STRBP: variants seen among roughly 807,000 people sequenced by gnomAD.
STRBP encodes spermatid perinuclear RNA-binding protein.
STRBP carries 13 observed loss-of-function variants against 80.1 expected under a neutral mutation model. The observed-to-expected ratio is 0.16, with a 90% CI of 0.11 to 0.26. The LOEUF is 0.26. Among genes scored for constraint, STRBP ranks in the 10% least tolerant of loss-of-function variants. The probability of loss-of-function intolerance (pLI) is 1.00; values close to 1 mark genes in which losing one functional copy is unlikely to be tolerated. For missense variants in STRBP, 485 were observed against 815.2 expected (o/e 0.59, Z 4.93); for synonymous variants, 284 against 291.2 (o/e 0.98, Z 0.25).
At chr9:123,129,122 T>G (rs2036022416) in intron 17 of STRBP, among the ~76,000 whole-genome samples, 1 of 152,138 alleles carries the variant, frequency 6.6e-6, no homozygotes, top group Non-Finnish European at 1.5e-5. Context: ...TTTTGGAGGC[T>G]GTGGCAGGAG....
Position 123,179,171 on chromosome 9 carries a change from T to G in STRBP, c.60A>C (p.Thr20=), listed in dbSNP as rs1181529261. ...CAAGTTCCTCCGGAGATGGATAGATTGTTGAATGTTTCACCATAACATGGC... is the reference window on the plus strand; with the variant it reads ...CAAGTTCCTCCGGAGATGGATAGATGGTTGAATGTTTCACCATAACATGGC... ...DDRHVMVKHS[T]IYPSPEELEA... is the part of the protein sequence containing the mutation. Residue 20 remains threonine (T), a synonymous_variant, in exon 4 of 19, where the codon ACA becomes ACC. Transcript: ENST00000348403. 2.5e-6 allele frequency: 4 copies of G among 1,612,886 alleles called. No homozygotes were observed. Among genetic ancestry groups the G allele is most frequent in the Non-Finnish European group, 3.4e-6 (4 of 1,178,892 alleles).
chr9:123,233,131 T>C (rs988879586), intron 2 of STRBP, among the ~76,000 whole-genome samples: 1 of 152,222 alleles, frequency 6.6e-6, no homozygotes, highest in Non-Finnish European at 1.5e-5. Context: ...GGGAGTGCAG[T>C]GGCGTGAACA....
At chr9:123,191,416 G>C (rs1465467470) in intron 2 of STRBP, among the ~76,000 whole-genome samples, 1 of 151,956 alleles carries the variant, frequency 6.6e-6, no homozygotes, top group Admixed American at 6.6e-5. Context: ...AGAGAGGAGG[G>C]CCGAGAGGAC....
chr9:123,200,643 C>T (rs1315149901), intron 2 of STRBP, among the ~76,000 whole-genome samples: 2 of 149,648 alleles, frequency 1.3e-5, no homozygotes, highest in Non-Finnish European at 3.0e-5. Context: ...ACTCGGCTCA[C>T]TGCAAGCTCC....
chr9:123,238,100 G>T (rs1588144838), intron 1 of STRBP, among the ~76,000 whole-genome samples: 1 of 152,208 alleles, frequency 6.6e-6, no homozygotes, highest in Admixed American at 6.5e-5. Context: ...ACAGTTTAAA[G>T]CTGCTTAGCA....
At chr9:123,137,072 G>A (rs962300599) in intron 14 of STRBP, among the ~76,000 whole-genome samples, 11 of 152,174 alleles carry the variant, frequency 7.2e-5, no homozygotes, top group Non-Finnish European at 1.5e-4. Context: ...TGCCCTCAAG[G>A]AGCTAGAGTG....
intron 2 of STRBP, among the ~76,000 whole-genome samples, chr9:123,224,807 G>A (rs1166644221): frequency 6.6e-6 from 1 of 152,132 alleles, no homozygotes; most frequent in Non-Finnish European, 1.5e-5. Flanking sequence ...CTTTTCAGCA[G>A]ACTCTCCTAA....
In STRBP at chr9:123,132,840, T is replaced by C. The variant is rs763911551; in HGVS notation, c.1897+5A>G. 2.3e-5 allele frequency: 37 copies of C among 1,613,854 alleles called. No homozygotes were observed. The highest frequency in any genetic ancestry group is 3.1e-5 in the Non-Finnish European group (37 of 1,179,870). On this transcript the variant is annotated splice_donor_5th_base_variant and intron_variant, in intron 17 of 18. Coordinates refer to ENST00000348403, the MANE Select transcript of STRBP (RefSeq NM_018387.5). ...GGGGCCAATCTCTTGCAGTTTGTAC[T>C]ATACCTGGAGCTATGTAGCCAGGAG...
At chr9:123,190,018 A>T (rs1209519599) in intron 2 of STRBP, among the ~76,000 whole-genome samples, 1 of 152,128 alleles carries the variant, frequency 6.6e-6, no homozygotes, top group African/African-American at 2.4e-5. Flanking sequence ...GGTGGCTCAC[A>T]CCTGTAATCC....
intron 11 of STRBP, among the ~76,000 whole-genome samples, chr9:123,154,271 A>G (rs532094195): frequency 3.3e-5 from 5 of 152,342 alleles, no homozygotes; most frequent in Non-Finnish European, 7.4e-5. Flanking sequence ...AAAATGAACT[A>G]TATCTATGTG....
intron 2 of STRBP, among the ~76,000 whole-genome samples, chr9:123,195,012 G>C (rs1202884883): frequency 1.3e-5 from 2 of 151,998 alleles, no homozygotes; most frequent in African/African-American, 2.4e-5. Flanking sequence ...TATATACTGA[G>C]GATCTCCCAA....
intron 11 of STRBP, among the ~76,000 whole-genome samples, chr9:123,157,043 G>A (rs956099818): frequency 2.6e-5 from 4 of 152,148 alleles, no homozygotes; most frequent in Non-Finnish European, 5.9e-5. Context: ...AAATAAGAAA[G>A]AGGGTAATAT....
intron 2 of STRBP, among the ~76,000 whole-genome samples, chr9:123,197,738 G>A (rs1441493143): frequency 1.5e-5 from 2 of 133,662 alleles, no homozygotes; most frequent in African/African-American, 2.8e-5. Flanking sequence ...GCAGTAGCGC[G>A]ATCTCAGCTC....
chr9:123,234,017 G>A (rs1402439895), intron 2 of STRBP, among the ~76,000 whole-genome samples: 3 of 151,798 alleles, frequency 2.0e-5, no homozygotes, highest in African/African-American at 4.8e-5. Context: ...TGGCTAATAC[G>A]GTGAAATCCC....
chr9:123,167,086 T>G (rs2037798446), intron 6 of STRBP, among the ~76,000 whole-genome samples: 1 of 152,154 alleles, frequency 6.6e-6, no homozygotes, highest in Non-Finnish European at 1.5e-5. Flanking sequence ...GCCCCAGTCC[T>G]CTGGTTCTGT....
intron 6 of STRBP, among the ~76,000 whole-genome samples, chr9:123,163,270 T>A (rs2037604900): frequency 6.6e-6 from 1 of 152,208 alleles, no homozygotes; most frequent in South Asian, 2.1e-4. Flanking sequence ...TTACTCTGAT[T>A]GTAACACAGA....
chr9:123,185,082 G>A (rs1240277818), intron 2 of STRBP, among the ~76,000 whole-genome samples: 12 of 147,510 alleles, frequency 8.1e-5, no homozygotes, highest in African/African-American at 3.0e-4. Flanking sequence ...CTAGCTACAA[G>A]AAAAGGAGAA....
At chr9:123,214,683 CA>C (rs1419076010) in intron 2 of STRBP, among the ~76,000 whole-genome samples, 5 of 152,124 alleles carry the variant, frequency 3.3e-5, no homozygotes, top group African/African-American at 1.2e-4. Flanking sequence ...CCAAGTGTAA[CA>C]TTAATTCTCC....
rs944240186 is a variant in STRBP at position 123,123,440 on chromosome 9, C to T, written c.*2157G>A. On this transcript the variant is annotated 3_prime_UTR_variant, in exon 19 of 19. Transcript: ENST00000348403. ...CACTTCTAACAAAGGACTGACAGCT[C>T]GATTATTTTAAGTAAAGCAGAGAAA... 9 of 984,114 alleles carry T rather than the reference C, an allele frequency of 9.1e-6. No homozygotes were observed. The highest frequency in any genetic ancestry group is 4.7e-5 in the South Asian group (1 of 21,232). 61.0% of individuals were successfully genotyped at this position (984,114 alleles called of 1,614,324 possible).
Sources: gnomAD v4.1 joint callset for allele counts (sites outside exome capture counted in the v4.1 genomes callset) on GRCh38, gnomAD v4.1.1 for gene constraint, MANE v1.5 for transcripts, NCBI Gene and HGNC (gene_info 2026-07-23, HGNC 2026-07-21) for gene names.